RAD52: variants seen among roughly 807,000 people sequenced by gnomAD.
RAD52 encodes the protein RAD52 DNA repair protein.
RAD52 carries 47 observed loss-of-function variants against 55.5 expected under a neutral mutation model. That is an observed-to-expected ratio of 0.85 (90% CI 0.67 to 1.08). The LOEUF (loss-of-function observed/expected upper bound fraction) is 1.08. Among genes scored for constraint, RAD52 ranks in the 50% least tolerant of loss-of-function variants. The probability of loss-of-function intolerance (pLI) is 0.00; values close to 1 mark genes in which losing one functional copy is unlikely to be tolerated. For missense variants in RAD52, 468 were observed against 522.8 expected (o/e 0.90, Z 1.02); for synonymous variants, 184 against 198.9 (o/e 0.92, Z 0.63).
intron 1 of RAD52, among the ~76,000 whole-genome samples, chr12:936,561 T>C (rs1351028965): frequency 1.3e-5 from 2 of 151,128 alleles, no homozygotes; most frequent in African/African-American, 4.9e-5. Flanking sequence ...GGTGCAATCA[T>C]AGCATACTGT....
chr12:949,351 G>C (rs1256361953), intron 1 of RAD52: 1 of 152,262 alleles, frequency 6.6e-6, no homozygotes, highest in Non-Finnish European at 1.5e-5. Context: ...GCACCGCGGT[G>C]GGGTCCCGGC....
At position 911,966 on chromosome 12, in the gene RAD52, A is replaced by G. The variant is rs960709931; in HGVS notation, c.*1425T>C. 9 of 192,764 alleles carry G rather than the reference A, an allele frequency of 4.7e-5. No homozygotes were observed. Among genetic ancestry groups the G allele is most frequent in the African/African-American group, 1.4e-4 (6 of 43,024 alleles). 11.9% of individuals were successfully genotyped at this position (192,764 alleles called of 1,614,324 possible). On this transcript the variant is annotated 3_prime_UTR_variant, in exon 12 of 12. Coordinates refer to ENST00000358495, the MANE Select transcript of RAD52 (RefSeq NM_134424.4). The stretch of plus-strand genomic sequence containing the variant: ...TGAATCCTGGCAGGCGGAGGCTGCA[A>G]TGAGTCAAGATGGCACCGCTGCACT...
In RAD52 at chr12:911,946, C is replaced by T. The variant is rs1012644334; in HGVS notation, c.*1445G>A. On this transcript the variant is annotated 3_prime_UTR_variant, in exon 12 of 12. Transcript: ENST00000358495. ...CCTGAGGCAGGAGAATTGCTTGAAT[C>T]CTGGCAGGCGGAGGCTGCAATGAGT... 5.8e-5 allele frequency: 11 copies of T among 188,610 alleles called. No individual in the cohort carries two copies. Among genetic ancestry groups the T allele is most frequent in the African/African-American group, 2.6e-4 (11 of 42,812 alleles). 11.7% of individuals were successfully genotyped at this position (188,610 alleles called of 1,614,324 possible). A position where few individuals can be genotyped will look rare whatever the true frequency, so the allele number is the denominator to read the frequency against.
intron 1 of RAD52, among the ~76,000 whole-genome samples, chr12:980,210 G>T (rs1164754575): frequency 6.6e-6 from 1 of 151,954 alleles, no homozygotes. Flanking sequence ...GGGTGGAAGG[G>T]GAGGGAAGAG....
chr12:916,201 C>T (rs1241578217), intron 9 of RAD52, 143 bp downstream of exon 9: 8 of 1,431,920 alleles, frequency 5.6e-6, no homozygotes, highest in African/African-American at 1.4e-5. Flanking sequence ...CTGGGCTCAT[C>T]TCTCCTGCGT....
rs1415589794 is a variant in RAD52, at chr12:913,430, C to T, written c.1218G>A (p.Lys406=). ...ATTTCCTTTTCTTCATGTCCTGGCT[C>T]TTCCTATGAGATTCCCAGTTTCCTA... ...RTTGNWESHR[K]SQDMKKRKYD... The change falls in exon 12 of 12, where the codon AAG becomes AAA. Residue 406 remains lysine (K), a synonymous_variant. Transcript: ENST00000358495. The T allele has an allele frequency of 6.2e-7, 1 of 1,607,986 alleles. No individual in the cohort carries two copies.
chr12:919,550 G>C lies in RAD52; in HGVS notation c.544-2730C>G, dbSNP rs187736823. Among the ~76,000 whole-genome samples the C allele has an allele frequency of 2.1e-3, 321 of 152,128 alleles. 1 individual carries two copies. The highest frequency in any genetic ancestry group is 7.4e-3 in the African/African-American group (308 of 41,502). Reference sequence around the variant, plus strand: ...TGATCACTTGAGCCCAGGAGTTTGAGACCAGCCTGGCCAACACAGCAAAAC... The same window carrying C: ...TGATCACTTGAGCCCAGGAGTTTGACACCAGCCTGGCCAACACAGCAAAAC... On this transcript the variant is annotated intron_variant, in intron 7 of 11. Coordinates refer to ENST00000358495, the MANE Select transcript of RAD52 (RefSeq NM_134424.4).
intron 1 of RAD52, among the ~76,000 whole-genome samples, chr12:973,239 T>C (rs1402332977): frequency 1.3e-5 from 2 of 151,240 alleles, no homozygotes; most frequent in Non-Finnish European, 2.9e-5. Flanking sequence ...CCGGCTAAGT[T>C]TTTGTATTTT....
chr12:963,175 A>C (rs1313596168), intron 1 of RAD52, among the ~76,000 whole-genome samples: 1 of 152,114 alleles, frequency 6.6e-6, no homozygotes, highest in African/African-American at 2.4e-5. Context: ...CTTCCATGTG[A>C]AAAGTATGGG....
At chr12:941,296 T>C (rs568253673) in intron 1 of RAD52, among the ~76,000 whole-genome samples, 2 of 152,294 alleles carry the variant, frequency 1.3e-5, no homozygotes, top group South Asian at 2.1e-4. Flanking sequence ...ACTTCTGAAC[T>C]GAAAACCATA....
upstream of RAD52, among the ~76,000 whole-genome samples, chr12:950,434 G>A (rs1482786604): frequency 1.3e-5 from 2 of 152,032 alleles, no homozygotes; most frequent in Non-Finnish European, 2.9e-5. Context: ...AGCCGGGCGT[G>A]GTGGCGGGCG....
intron 5 of RAD52, 124 bp from the exon 6 acceptor site, chr12:927,387 A>G (rs1162265327): frequency 2.7e-6 from 2 of 730,718 alleles, no homozygotes; most frequent in East Asian, 4.9e-5. Flanking sequence ...CTACAGGGGC[A>G]CGGGCAGAAG....
intron 1 of RAD52, among the ~76,000 whole-genome samples, chr12:946,260 A>C (rs1328487750): frequency 1.3e-5 from 2 of 152,182 alleles, no homozygotes; most frequent in Non-Finnish European, 2.9e-5. Context: ...CCTTGAGTGA[A>C]GAAATGCTAA....
At chr12:980,632 T>A (rs142787276) in intron 1 of RAD52, among the ~76,000 whole-genome samples, 2 of 150,284 alleles carry the variant, frequency 1.3e-5, no homozygotes, top group Non-Finnish European at 3.0e-5. Flanking sequence ...GACAGAGTCT[T>A]GCTCTGTTGC....
chr12:935,866 AAATAAATAAAT>A (rs1957593025), intron 1 of RAD52, among the ~76,000 whole-genome samples: 155 of 7,820 alleles, frequency 0.02, no homozygotes, highest in African/African-American at 0.045. Flanking sequence ...AAAAATAAAT[AAATAAATAAAT>A]AAATAAATAA....
intron 1 of RAD52, among the ~76,000 whole-genome samples, chr12:936,344 A>G (rs2154116155): frequency 6.6e-6 from 1 of 151,992 alleles, no homozygotes; most frequent in South Asian, 2.1e-4. Context: ...TCAGTCTTTT[A>G]TTGAAGGACA....
At chr12:939,947 C>T (rs550735789) in intron 1 of RAD52, among the ~76,000 whole-genome samples, 6 of 151,956 alleles carry the variant, frequency 3.9e-5, no homozygotes, top group South Asian at 2.1e-4. Context: ...TGGTTGTGTG[C>T]GCCTGTAATC....
intron 1 of RAD52, among the ~76,000 whole-genome samples, chr12:935,768 G>C (rs1461351153): frequency 6.6e-6 from 1 of 151,554 alleles, no homozygotes; most frequent in South Asian, 2.1e-4. Flanking sequence ...CAAGAGAATC[G>C]CTTGAACCCG....
At chr12:916,950 T>C (rs1044737919) in intron 7 of RAD52, 130 bp from the exon 8 acceptor site, 4 of 1,249,820 alleles carry the variant, frequency 3.2e-6, no homozygotes, top group Non-Finnish European at 4.3e-6. Flanking sequence ...TTCTAGGTCC[T>C]GTAACTCCAT....
Sources: allele counts gnomAD v4.1 joint callset (sites outside exome capture counted in the v4.1 genomes callset), GRCh38; gene constraint gnomAD v4.1.1; transcripts MANE v1.5; gene names NCBI Gene and HGNC (gene_info 2026-07-23, HGNC 2026-07-21).